The following RUNX1T1 variants were observed in gnomAD, a reference collection of about 807,000 sequenced individuals.
RUNX1T1 encodes RUNX1 partner transcriptional co-repressor 1, also known as protein CBFA2T1.
A neutral mutation model predicts 62.8 loss-of-function variants in RUNX1T1; 4 were observed. That is an observed-to-expected ratio of 0.06 (90% CI 0.03 to 0.15). The LOEUF (loss-of-function observed/expected upper bound fraction) is 0.15. RUNX1T1 is among the 10% of genes least tolerant of loss of function. RUNX1T1 has a pLI of 1.00. For synonymous variants in RUNX1T1, 291 were observed against 286.0 expected (o/e 1.02, Z -0.18); for missense variants, 508 against 754.3 (o/e 0.67, Z 3.82).
In RUNX1T1 at chr8:92,017,215, T is replaced by A. The variant is rs765464194; in HGVS notation, c.145+11A>T. 1 of 1,550,590 alleles carries A rather than the reference T, an allele frequency of 6.4e-7. No homozygotes were observed. Among genetic ancestry groups the A allele is most frequent in the African/African-American group, 1.4e-5 (1 of 72,718 alleles). Reference sequence around the variant, plus strand: ...AAAACTGAAACTCAAAAGCCTGAAATGACTACTTACACGTTGTCGGTGTAA... The same window carrying A: ...AAAACTGAAACTCAAAAGCCTGAAAAGACTACTTACACGTTGTCGGTGTAA... On this transcript the variant is annotated intron_variant, in intron 2 of 10. Transcript: ENST00000396218.
At chr8:92,042,920 C>G (rs1828714938) in intron 1 of RUNX1T1, among the ~76,000 whole-genome samples, 1 of 152,190 alleles carries the variant, frequency 6.6e-6, no homozygotes, top group Non-Finnish European at 1.5e-5. Context: ...TCAAGCATGT[C>G]AGTTACCCAA....
At chr8:91,990,818 C>T (rs957747185) in intron 6 of RUNX1T1, among the ~76,000 whole-genome samples, 2 of 151,868 alleles carry the variant, frequency 1.3e-5, no homozygotes, top group East Asian at 1.9e-4. Context: ...CCACCATGCC[C>T]GGCTAATTTT....
At chr8:91,976,090 C>A in intron 8 of RUNX1T1, 117 bp from the exon 10 acceptor site, 1 of 695,946 alleles carries the variant, frequency 1.4e-6, no homozygotes, top group Non-Finnish European at 2.5e-6. Flanking sequence ...TACAAAAACG[C>A]AATTTTAAAA....
At chr8:92,042,849 C>CT in intron 1 of RUNX1T1, among the ~76,000 whole-genome samples, 1 of 152,334 alleles carries the variant, frequency 6.6e-6, no homozygotes, top group South Asian at 2.1e-4. Flanking sequence ...ATAAACACAG[C>CT]TTTTCCTTGG....
chr8:92,037,808 A>C (rs1184557063), intron 1 of RUNX1T1, among the ~76,000 whole-genome samples: 1 of 152,220 alleles, frequency 6.6e-6, no homozygotes, highest in Non-Finnish European at 1.5e-5. Flanking sequence ...GAGTACCACA[A>C]ACAGCTCCAG....
upstream of RUNX1T1, chr8:92,102,989 T>G: frequency 8.0e-7 from 1 of 1,246,990 alleles, no homozygotes; most frequent in Non-Finnish European, 1.1e-6. The surrounding 1 kb of genome is among the most constrained non-coding windows in gnomAD (Gnocchi z 4.5). Context: ...GGCCAGAGTG[T>G]CCGCGGCCAC....
intron 1 of RUNX1T1, among the ~76,000 whole-genome samples, chr8:92,044,260 C>A (rs533202357): frequency 6.6e-6 from 1 of 152,288 alleles, no homozygotes; most frequent in Non-Finnish European, 1.5e-5. Context: ...AGAAGACAGG[C>A]AGCAGGAAAG....
chr8:92,061,722 C>T (rs774863689), intron 1 of RUNX1T1, among the ~76,000 whole-genome samples: 1 of 152,190 alleles, frequency 6.6e-6, no homozygotes, highest in African/African-American at 2.4e-5. Flanking sequence ...TCTGCCTGTC[C>T]TACCCAAATA....
intron 1 of RUNX1T1, among the ~76,000 whole-genome samples, chr8:92,085,895 T>C (rs1836033080): frequency 6.6e-6 from 1 of 152,130 alleles, no homozygotes; most frequent in Non-Finnish European, 1.5e-5. Context: ...CCAAAACAAC[T>C]CCTCCATTTA....
At chr8:92,021,055 C>G (rs959337066) in intron 1 of RUNX1T1, among the ~76,000 whole-genome samples, 2 of 152,096 alleles carry the variant, frequency 1.3e-5, no homozygotes, top group Non-Finnish European at 2.9e-5. Flanking sequence ...CTTTTTCTAT[C>G]AGTTTATCAG....
chr8:91,960,281 G>A, exon 11 of RUNX1T1: 2 of 1,610,270 alleles, frequency 1.2e-6, no homozygotes, highest in South Asian at 2.2e-5. Context: ...GGGTTCCCGG[G>A]GTGGTTGACC....
intron 9 of RUNX1T1, among the ~76,000 whole-genome samples, chr8:91,973,265 A>C (rs1042722527): frequency 6.6e-6 from 1 of 151,950 alleles, no homozygotes; most frequent in Non-Finnish European, 1.5e-5. Context: ...TTTAAGAGAA[A>C]GAAGAGGATG....
intron 10 of RUNX1T1, among the ~76,000 whole-genome samples, chr8:91,963,197 T>C (rs998887262): frequency 2.6e-5 from 4 of 152,214 alleles, no homozygotes; most frequent in African/African-American, 9.7e-5. Flanking sequence ...CTGGTTCTGA[T>C]CCAGGAGTTA....
chr8:92,021,486 C>T (rs775123987), intron 1 of RUNX1T1, among the ~76,000 whole-genome samples: 12 of 151,864 alleles, frequency 7.9e-5, no homozygotes, highest in Non-Finnish European at 1.6e-4. Context: ...CTGCAATGCC[C>T]GAGAATGAAA....
intron 2 of RUNX1T1, among the ~76,000 whole-genome samples, chr8:92,075,553 A>G (rs1404055341): frequency 6.6e-6 from 1 of 152,210 alleles, no homozygotes; most frequent in Non-Finnish European, 1.5e-5. Context: ...TTTTTTGCCT[A>G]TTTAGTCAAC....
At chr8:92,076,165 A>G in intron 1 of RUNX1T1, 28 bp from the exon 2 acceptor site, 1 of 1,482,880 alleles carries the variant, frequency 6.7e-7, no homozygotes, top group Non-Finnish European at 8.9e-7. Context: ...GGGAAAAAAA[A>G]TGCATATATC....
chr8:92,023,379 A>G (rs984684761), intron 1 of RUNX1T1, among the ~76,000 whole-genome samples: 7 of 152,214 alleles, frequency 4.6e-5, no homozygotes, highest in African/African-American at 1.7e-4. Flanking sequence ...CTGAAAACAT[A>G]TATTTGATAA....
At chr8:91,980,804 T>C (rs1021117432) in intron 8 of RUNX1T1, among the ~76,000 whole-genome samples, 2 of 152,162 alleles carry the variant, frequency 1.3e-5, no homozygotes, top group Admixed American at 1.3e-4. Context: ...CCTGAGCAAC[T>C]GGGACCACAG....
intron 1 of RUNX1T1, among the ~76,000 whole-genome samples, chr8:92,056,678 A>G (rs1185194055): frequency 1.3e-5 from 2 of 151,758 alleles, no homozygotes; most frequent in African/African-American, 4.8e-5. Context: ...GAATGTACTC[A>G]TCTACTGGAA....
Sources: gnomAD v4.1 joint callset for allele counts (sites outside exome capture counted in the v4.1 genomes callset) on GRCh38, gnomAD v4.1.1 for gene constraint, Gnocchi (gnomAD v3.1) non-coding constraint, MANE v1.5 for transcripts, NCBI Gene and HGNC (gene_info 2026-07-23, HGNC 2026-07-21) for gene names.